Variants in CNIH3 observed in about 807,000 individuals in gnomAD.
The protein encoded by CNIH3 is cornichon family AMPA receptor auxiliary protein 3.
Under a neutral mutation model 24.1 loss-of-function variants are expected in CNIH3, and 14 were observed. The observed-to-expected ratio is 0.58, with a 90% confidence interval of 0.38 to 0.91. CNIH3 has a LOEUF of 0.91. CNIH3 is among the 40% of genes least tolerant of loss of function. The probability of loss-of-function intolerance (pLI) is 0.00; values close to 1 mark genes in which losing one functional copy is unlikely to be tolerated. For missense variants in CNIH3, 178 were observed against 196.8 expected (o/e 0.90, Z 0.57); for synonymous variants, 68 against 73.8 (o/e 0.92, Z 0.40).
intron 1 of CNIH3, among the ~76,000 whole-genome samples, chr1:224,489,161 TTAAC>T (rs1677146747): frequency 1.1e-4 from 17 of 152,188 alleles, no homozygotes; most frequent in Admixed American, 9.2e-4. Flanking sequence ...TGGTAGGCAG[TTAAC>T]TTGGCTGAAT....
intron 3 of CNIH3, among the ~76,000 whole-genome samples, chr1:224,608,540 G>C (rs1682536908): frequency 6.6e-6 from 1 of 152,216 alleles, no homozygotes. Flanking sequence ...AACAGAACAG[G>C]ACAGGGATTT....
At chr1:224,532,266 C>A (rs1242067045) in intron 2 of CNIH3, among the ~76,000 whole-genome samples, 1 of 152,052 alleles carries the variant, frequency 6.6e-6, no homozygotes, top group East Asian at 1.9e-4. Context: ...GCACAGAGAC[C>A]CAGTGTCTGG....
chr1:224,468,995 T>C (rs974824069), intron 1 of CNIH3, among the ~76,000 whole-genome samples: 6 of 149,774 alleles, frequency 4.0e-5, no homozygotes, highest in Admixed American at 4.0e-4. Context: ...TTGTGAAACT[T>C]TTTTTTTTTT....
chr1:224,576,101 A>C (rs10916645), intron 4 of CNIH3, among the ~76,000 whole-genome samples: 25,129 of 152,136 alleles, frequency 0.17, 2,520 homozygotes, highest in African/African-American at 0.27. Flanking sequence ...GAAATCCATA[A>C]ATGTACTGAG....
chr1:224,737,745 C>G (rs944785970), intron 5 of CNIH3, among the ~76,000 whole-genome samples: 1 of 152,206 alleles, frequency 6.6e-6, no homozygotes, highest in Admixed American at 6.5e-5. Context: ...AAATGTGTCT[C>G]AGGTCCCTGC....
intron 1 of CNIH3, among the ~76,000 whole-genome samples, chr1:224,638,060 C>T (rs1263547733): frequency 6.6e-6 from 1 of 152,236 alleles, no homozygotes; most frequent in African/African-American, 2.4e-5. Flanking sequence ...TGAAATATTT[C>T]CTGCCCTAAC....
intron 3 of CNIH3, among the ~76,000 whole-genome samples, chr1:224,547,507 C>T (rs1224693516): frequency 1.3e-5 from 2 of 151,998 alleles, no homozygotes; most frequent in Non-Finnish European, 2.9e-5. Context: ...GGTGTACACC[C>T]TGTGATAGTA....
intron 3 of CNIH3, among the ~76,000 whole-genome samples, chr1:224,694,290 G>A (rs1264573421): frequency 6.6e-6 from 1 of 152,194 alleles, no homozygotes; most frequent in African/African-American, 2.4e-5. Context: ...GATGAATGTG[G>A]GGCCGTCACA....
upstream of CNIH3, chr1:224,615,271 G>A (rs2125057341): frequency 6.6e-6 from 1 of 152,270 alleles, no homozygotes; most frequent in East Asian, 1.9e-4. Flanking sequence ...CTTTCACCGA[G>A]ATTTGCCAGT....
intron 1 of CNIH3, among the ~76,000 whole-genome samples, chr1:224,500,622 G>A (rs1677615689): frequency 6.6e-6 from 1 of 151,924 alleles, no homozygotes; most frequent in African/African-American, 2.4e-5. Context: ...GCAGTGAGGC[G>A]AGATTGTGCC....
At chr1:224,648,771 C>T in intron 1 of CNIH3, among the ~76,000 whole-genome samples, 1 of 152,134 alleles carries the variant, frequency 6.6e-6, no homozygotes. Flanking sequence ...CCCTGCCCAT[C>T]AGTAAGCAAG....
chr1:224,585,460 AG>A (rs1681462634), intron 5 of CNIH3, among the ~76,000 whole-genome samples: 1 of 151,712 alleles, frequency 6.6e-6, no homozygotes, highest in Non-Finnish European at 1.5e-5. Context: ...ATTAAACCAA[AG>A]CACAGTTCTT....
intron 1 of CNIH3, among the ~76,000 whole-genome samples, chr1:224,516,298 C>T (rs1350645694): frequency 1.4e-5 from 2 of 139,430 alleles, no homozygotes; most frequent in African/African-American, 5.5e-5. Flanking sequence ...TGGCGACAAA[C>T]CGAGACTCTG....
intron 3 of CNIH3, among the ~76,000 whole-genome samples, chr1:224,688,382 T>C (rs1686761938): frequency 6.6e-6 from 1 of 152,168 alleles, no homozygotes. Context: ...CAGGTCTGTC[T>C]CCTCTCACTA....
At chr1:224,444,212 C>T (rs1021649577) in intron 1 of CNIH3, among the ~76,000 whole-genome samples, 2 of 152,048 alleles carry the variant, frequency 1.3e-5, no homozygotes, top group Non-Finnish European at 2.9e-5. Context: ...AAAATATTGC[C>T]TTAATACCAT....
intron 3 of CNIH3, among the ~76,000 whole-genome samples, chr1:224,596,090 G>A (rs1164215180): frequency 2.0e-5 from 3 of 152,212 alleles, no homozygotes; most frequent in Non-Finnish European, 4.4e-5. Flanking sequence ...GATTTTCAAT[G>A]TAGATGAAAC....
chr1:224,674,272 G>GTTTTTTTTTTTTTTTTTTTTTT lies in CNIH3; in HGVS notation c.82-6672_82-6651dup, dbSNP rs71170028. On this transcript the variant is annotated intron_variant, in intron 1 of 5. Transcript: ENST00000272133. ...AATCGTTTCTTCATCTTCCAGGAAG[G>GTTTTTTTTTTTTTTTTTTTTTT]TTTTTTTTTTTTTTTTTTTTTTTTT... Among the ~76,000 whole-genome samples the GTTTTTTTTTTTTTTTTTTTTTT allele has an allele frequency of 8.3e-5, 6 of 72,062 alleles. 1 individual carries two copies. Among genetic ancestry groups the GTTTTTTTTTTTTTTTTTTTTTT allele is most frequent in the African/African-American group, 1.1e-4 (2 of 18,630 alleles). 47.3% of individuals were successfully genotyped at this position (72,062 alleles called of 152,430 possible). A position where few individuals can be genotyped will look rare whatever the true frequency, so the allele number is the denominator to read the frequency against.
intron 2 of CNIH3, among the ~76,000 whole-genome samples, chr1:224,683,631 A>G (rs758724370): frequency 1.3e-5 from 2 of 152,216 alleles, no homozygotes; most frequent in Non-Finnish European, 1.5e-5. Context: ...AGCTCTCAAT[A>G]TCGTTGGACC....
intron 3 of CNIH3, among the ~76,000 whole-genome samples, chr1:224,688,749 T>C (rs938364833): frequency 3.3e-5 from 5 of 151,982 alleles, no homozygotes; most frequent in African/African-American, 4.8e-5. Flanking sequence ...GTGACCAGCC[T>C]GGCCAACATG....
Sources: allele counts gnomAD v4.1 joint callset (sites outside exome capture counted in the v4.1 genomes callset), GRCh38; gene constraint gnomAD v4.1.1; transcripts MANE v1.5; gene names NCBI Gene and HGNC (gene_info 2026-07-23, HGNC 2026-07-21).